Variants in ADD1 observed in about 807,000 individuals in gnomAD.
ADD1 encodes adducin 1.
Under a neutral mutation model 80.5 loss-of-function variants are expected in ADD1, and 24 were observed. The ratio of observed to expected loss-of-function variants is 0.30; its 90% CI spans 0.22 to 0.42. The LOEUF (loss-of-function observed/expected upper bound fraction) is 0.42. ADD1 is among the 10% of genes least tolerant of loss of function. The pLI, the probability that ADD1 is intolerant of heterozygous loss-of-function variation, is 1.00. For missense variants in ADD1, 948 were observed against 1,019.0 expected, an observed-to-expected ratio of 0.93 and a Z score of 0.95; for synonymous variants, 373 against 393.8, an observed-to-expected ratio of 0.95 and a Z score of 0.63.
At chr4:2,867,910 G>GA (rs998697106) in intron 1 of ADD1, 23 of 152,198 alleles carry the variant, frequency 1.5e-4, no homozygotes, top group Admixed American at 1.4e-3. Flanking sequence ...CTTATCTGCA[G>GA]AAAAAATGAG....
At position 2,884,553 on chromosome 4, in the gene ADD1, T is replaced by A. The variant is rs781252718; in HGVS notation, c.397T>A (p.Ser133Thr). The stretch of plus-strand genomic sequence containing the variant: ...GACTCCTGTGAACGATCTTAGAGGA[T>A]CTGATTCTATTGCGTATGACAAAGG... ...MVTPVNDLRG[S>T]DSIAYDKGEK... Residue 133 changes from serine (S) to threonine (T), a missense_variant, in exon 4 of 16, where the codon TCT becomes ACT. Coordinates refer to ENST00000683351, the MANE Select transcript of ADD1 (RefSeq NM_001354761.2). 2 of 1,612,614 alleles carry A rather than the reference T, an allele frequency of 1.2e-6. No homozygotes were observed. Among genetic ancestry groups the A allele is most frequent in the Non-Finnish European group, 1.7e-6 (2 of 1,179,152 alleles).
intron 14 of ADD1, among the ~76,000 whole-genome samples, chr4:2,917,515 G>T (rs1485153093): frequency 6.6e-6 from 1 of 152,150 alleles, no homozygotes; most frequent in African/African-American, 2.4e-5. Context: ...CTTCTGGTGT[G>T]CAGAAGCTCT....
Position 2,926,503 on chromosome 4 carries a change from C to A in ADD1, c.2047+391C>A. The A allele has an allele frequency of 2.2e-6, 2 of 890,798 alleles. No individual in the cohort carries two copies. The highest frequency in any genetic ancestry group is 3.6e-6 in the Non-Finnish European group (2 of 558,448). 55.2% of individuals were successfully genotyped at this position (890,798 alleles called of 1,614,324 possible). ...GTCTGTGGTGTGTGATCCCGGGTGT[C>A]TGTCCCTCGGTCTCGTACATCCATG... is the stretch of plus-strand genomic sequence containing the variant. On this transcript the variant is annotated intron_variant, in intron 15 of 15. Transcript: ENST00000683351. This position sits in a 1 kb window ranked among gnomAD's most constrained non-coding sequence, Gnocchi z 5.0.
At chr4:2,849,304 A>G (rs1438141324) in intron 1 of ADD1, among the ~76,000 whole-genome samples, 1 of 152,222 alleles carries the variant, frequency 6.6e-6, no homozygotes, top group Non-Finnish European at 1.5e-5. Flanking sequence ...AAACCTAGAC[A>G]GTGCTTCATG....
chr4:2,916,137 T>C (rs543196170), intron 14 of ADD1, among the ~76,000 whole-genome samples: 30 of 151,382 alleles, frequency 2.0e-4, no homozygotes, highest in Admixed American at 1.8e-3. Flanking sequence ...CTAATTTGGA[T>C]CAGTTAGTGG....
At chr4:2,889,702 GTCC>G (rs1733976550) in intron 4 of ADD1, among the ~76,000 whole-genome samples, 1 of 152,084 alleles carries the variant, frequency 6.6e-6, no homozygotes, top group South Asian at 2.1e-4. Flanking sequence ...TGTGCCTGTA[GTCC>G]CAGTTGCTGG....
Position 2,848,877 on chromosome 4 carries a change from A to C in ADD1, c.-21+4853A>C, listed in dbSNP as rs571238228. On this transcript the variant is annotated intron_variant, in intron 1 of 15. Transcript: ENST00000683351. The stretch of plus-strand genomic sequence containing the variant: ...ATCTATAAATACATTCTCAGAAATG[A>C]AATTGCTATGTCAAAGAATAATTGC... Among the ~76,000 whole-genome samples the C allele has an allele frequency of 2.0e-5, 3 of 152,330 alleles. No individual in the cohort carries two copies. The South Asian group carries it at 6.2e-4, about 32-fold the overall frequency.
intron 1 of ADD1, among the ~76,000 whole-genome samples, chr4:2,858,217 A>C (rs1728351081): frequency 6.6e-6 from 1 of 152,216 alleles, no homozygotes; most frequent in South Asian, 2.1e-4. Context: ...TGTCCTTTTT[A>C]AAGAGATTCA....
chr4:2,882,853 C>T (rs184247494), intron 3 of ADD1, among the ~76,000 whole-genome samples: 49 of 152,026 alleles, frequency 3.2e-4, no homozygotes, highest in Non-Finnish European at 5.3e-4. Flanking sequence ...ATGTGGATTC[C>T]GTTTTTTTTT....
intron 1 of ADD1, among the ~76,000 whole-genome samples, chr4:2,864,152 C>T (rs1167015102): frequency 1.3e-5 from 2 of 152,210 alleles, no homozygotes; most frequent in Non-Finnish European, 2.9e-5. Flanking sequence ...GTGGCTCACG[C>T]CTTTAATCCT....
At chr4:2,844,164 C>A (rs925438758) in intron 1 of ADD1, 140 bp downstream of exon 1, 1 of 150,654 alleles carries the variant, frequency 6.6e-6, no homozygotes, top group Non-Finnish European at 1.5e-5. Context: ...GCGGGGAGGC[C>A]GCTGCGGCGC....
At chr4:2,915,897 G>T (rs1738937387) in intron 14 of ADD1, among the ~76,000 whole-genome samples, 1 of 152,164 alleles carries the variant, frequency 6.6e-6, no homozygotes, top group Non-Finnish European at 1.5e-5. Context: ...GAGGACTAGT[G>T]GTGGCCACTC....
At chr4:2,857,827 G>C (rs1194590586) in intron 1 of ADD1, among the ~76,000 whole-genome samples, 1 of 152,188 alleles carries the variant, frequency 6.6e-6, no homozygotes, top group African/African-American at 2.4e-5. Context: ...CAGTATACGA[G>C]ACTTTGGTAA....
At chr4:2,903,987 T>C (rs1339801910) in intron 9 of ADD1, among the ~76,000 whole-genome samples, 1 of 152,196 alleles carries the variant, frequency 6.6e-6, no homozygotes, top group Non-Finnish European at 1.5e-5. Context: ...GAACCAGTTG[T>C]CATGAGGTAT....
chr4:2,845,959 C>T (rs571397206), intron 1 of ADD1, among the ~76,000 whole-genome samples: 1 of 152,182 alleles, frequency 6.6e-6, no homozygotes, highest in Non-Finnish European at 1.5e-5. Context: ...CCCCTTTTCT[C>T]AACCAGTTTC....
At chr4:2,896,270 G>T (rs564390311) in intron 6 of ADD1, among the ~76,000 whole-genome samples, 1 of 150,660 alleles carries the variant, frequency 6.6e-6, no homozygotes, top group Non-Finnish European at 1.5e-5. Context: ...GTGCAGTGGC[G>T]CACTCTCAAC....
intron 14 of ADD1, among the ~76,000 whole-genome samples, chr4:2,922,846 G>A (rs760469034): frequency 6.6e-6 from 1 of 152,260 alleles, no homozygotes; most frequent in Non-Finnish European, 1.5e-5. Flanking sequence ...CAGGGAGGAG[G>A]AATCTAGAGA....
In ADD1 at chr4:2,850,352, C is replaced by T. The variant is rs570724073; in HGVS notation, c.-21+6328C>T. On this transcript the variant is annotated intron_variant, in intron 1 of 15. Transcript: ENST00000683351. The stretch of plus-strand genomic sequence containing the variant: ...GTGCGATCTTGGCTCACTGCAACCT[C>T]CACCTCCCAAGTTCAAGCGATTCTC... Among the ~76,000 whole-genome samples the T allele has an allele frequency of 2.6e-4, 40 of 152,324 alleles. No homozygotes were observed. The South Asian group carries it at 8.1e-3, about 31-fold the overall frequency.
chr4:2,878,286 T>C (rs1181531243), intron 2 of ADD1, among the ~76,000 whole-genome samples: 1 of 152,184 alleles, frequency 6.6e-6, no homozygotes, highest in Non-Finnish European at 1.5e-5. Context: ...AAAAAGCTGT[T>C]GTCCAAATGA....
Sources: gnomAD v4.1 joint callset for allele counts (sites outside exome capture counted in the v4.1 genomes callset) on GRCh38, gnomAD v4.1.1 for gene constraint, Gnocchi (gnomAD v3.1) non-coding constraint, MANE v1.5 for transcripts, NCBI Gene and HGNC (gene_info 2026-07-23, HGNC 2026-07-21) for gene names.